TBX21: variants seen among roughly 807,000 people sequenced by gnomAD.
TBX21 encodes the protein T-box transcription factor TBX21.
Under a neutral mutation model 52.2 loss-of-function variants are expected in TBX21, and 11 were observed. That is an observed-to-expected ratio of 0.21 (90% CI 0.13 to 0.35). The LOEUF is 0.35. Among genes scored for constraint, TBX21 ranks in the 10% least tolerant of loss-of-function variants. The pLI is 1.00. For missense variants in TBX21, 625 were observed against 755.1 expected (o/e 0.83, Z 2.02); for synonymous variants, 300 against 316.1 (o/e 0.95, Z 0.54).
At chr17:47,744,639 G>A in intron 5 of TBX21, 96 bp downstream of exon 5, 2 of 1,604,872 alleles carry the variant, frequency 1.2e-6, no homozygotes, top group Non-Finnish European at 1.7e-6. Flanking sequence ...GATGCTACAG[G>A]TGGGCAGGCC....
At chr17:47,738,958 T>C (rs1412737855) in intron 1 of TBX21, among the ~76,000 whole-genome samples, 1 of 152,204 alleles carries the variant, frequency 6.6e-6, no homozygotes, top group East Asian at 1.9e-4. Context: ...TCTATCTCCT[T>C]GCTATTTTAA....
chr17:47,744,049 GA>G, intron 3 of TBX21, 145 bp from the exon 4 acceptor site: 1 of 1,031,558 alleles, frequency 9.7e-7, no homozygotes, highest in Non-Finnish European at 1.4e-6. Context: ...AAGCTTGGGG[GA>G]AGTTACATGG....
rs373492556 is a variant in TBX21 at position 47,744,856 on chromosome 17, C to T, written c.1098C>T (p.Pro366=). ...TCCTACCCAACCAGTATCCTGTTCC[C>T]AGCCGCTTCTACCCCGACCTTCCTG... ...SPLLPNQYPV[P]SRFYPDLPGQ... Residue 366 remains proline, a synonymous_variant, in exon 6 of 6, where the codon CCC becomes CCT. Coordinates refer to ENST00000177694, the MANE Select transcript of TBX21 (RefSeq NM_013351.2). 6.2e-7 allele frequency: 1 copy of T among 1,614,214 alleles called. No individual in the cohort carries two copies. The highest frequency in any genetic ancestry group is 8.5e-7 in the Non-Finnish European group (1 of 1,180,034).
chr17:47,738,199 C>A (rs897469087), intron 1 of TBX21, among the ~76,000 whole-genome samples: 1 of 152,072 alleles, frequency 6.6e-6, no homozygotes, highest in African/African-American at 2.4e-5. Flanking sequence ...GCTCTGTCAC[C>A]CACGCTGGAG....
intron 1 of TBX21, among the ~76,000 whole-genome samples, chr17:47,735,496 G>T (rs9889416): frequency 6.6e-6 from 1 of 152,152 alleles, no homozygotes. Context: ...AGAAGATCCT[G>T]TCCCTCTCAC....
chr17:47,737,724 C>T (rs2032221712), intron 1 of TBX21, among the ~76,000 whole-genome samples: 1 of 151,942 alleles, frequency 6.6e-6, no homozygotes, highest in South Asian at 2.1e-4. Flanking sequence ...CTCCCAGGTT[C>T]AAGTGATTCT....
Position 47,745,077 on chromosome 17 carries a change from C to A in TBX21, c.1319C>A (p.Pro440His), listed in dbSNP as rs746690078. The change falls in exon 6 of 6, where the codon CCC becomes CAC. Residue 440 changes from proline (P) to histidine (H), a missense_variant. Pro to His is a moderately conservative substitution (Grantham distance 77). Around this residue, in one of 4 missense-constraint regions of TBX21, gnomAD observed 261 missense variants for 275.1 expected, o/e 0.95. Transcript: ENST00000177694. ...TGGCCTGTGGCACCCCAGTACCCTCCCAAGATGGGCCCGGCCAGCTGGTTC... is the reference window on the plus strand; with the variant it reads ...TGGCCTGTGGCACCCCAGTACCCTCACAAGATGGGCCCGGCCAGCTGGTTC... ...AGWPVAPQYP[P>H]KMGPASWFRP... 3.1e-6 allele frequency: 5 copies of A among 1,613,542 alleles called. No individual in the cohort carries two copies. The highest frequency in any genetic ancestry group is 4.2e-6 in the Non-Finnish European group (5 of 1,180,026).
Position 47,742,498 on chromosome 17 carries a change from A to G in TBX21, c.492-112A>G. 2 of 1,299,846 alleles carry G rather than the reference A, an allele frequency of 1.5e-6. No individual in the cohort carries two copies. Among genetic ancestry groups the G allele is most frequent in the Non-Finnish European group, 1.0e-6 (1 of 969,936 alleles). The allele number at this position is 1,299,846 out of a possible 1,614,324, so 80.5% of individuals were successfully genotyped here. A position where few individuals can be genotyped will look rare whatever the true frequency, so the allele number is the denominator to read the frequency against. On this transcript the variant is annotated intron_variant, in intron 1 of 5. Coordinates refer to ENST00000177694, the MANE Select transcript of TBX21 (RefSeq NM_013351.2). This position sits in a 1 kb window ranked among gnomAD's most constrained non-coding sequence, Gnocchi z 4.4. ...AAACACCTTCCAGCTGGTTCTTGTG[A>G]GTGGGAGGAAGCCGGCTACAGCACA... is the stretch of plus-strand genomic sequence containing the variant.
intron 3 of TBX21, 113 bp downstream of exon 3, chr17:47,743,305 T>TA (rs2032288685): frequency 7.1e-7 from 1 of 1,408,594 alleles, no homozygotes; most frequent in African/African-American, 1.4e-5. Context: ...TCTTCCTTCC[T>TA]ACAGGAAGGA....
rs570619692 is a variant in TBX21, at chr17:47,737,428, G to C, written c.491+3483G>C. Reference sequence around the variant, plus strand: ...TTAAGCTCAATCTGCATTTGGATTTGTGCATGTGAAGACAGAGGTTGGTAA... The same window carrying C: ...TTAAGCTCAATCTGCATTTGGATTTCTGCATGTGAAGACAGAGGTTGGTAA... On this transcript the variant is annotated intron_variant, in intron 1 of 5. Transcript: ENST00000177694. Among the ~76,000 whole-genome samples, 12 of 152,218 alleles carry C rather than the reference G, an allele frequency of 7.9e-5. No individual in the cohort carries two copies. In the South Asian group the frequency reaches 2.1e-3, roughly 26 times the overall value.
In TBX21 at chr17:47,742,646, G is replaced by C; in HGVS notation, c.528G>C (p.Gly176=). 6.2e-7 allele frequency: 1 copy of C among 1,601,722 alleles called. No individual in the cohort carries two copies. The highest frequency in any genetic ancestry group is 1.1e-5 in the South Asian group (1 of 88,492). Residue 176 remains glycine (G), a synonymous_variant, in exon 2 of 6, where the codon GGG becomes GGC. Transcript: ENST00000177694. This position sits in a 1 kb window ranked among gnomAD's most constrained non-coding sequence, Gnocchi z 4.4. ...CATTCCTGTCATTTACTGTGGCCGG[G>C]CTGGAGCCCACCAGCCACTACAGGA... ...MFPFLSFTVA[G]LEPTSHYRMF... is the part of the protein sequence containing the mutation.
At position 47,745,955 on chromosome 17, in the gene TBX21, A is replaced by G. The variant is rs1432588872; in HGVS notation, c.*589A>G. ...GAAAGGGGGGAATGGCCCACATCTC[A>G]AGAAGCAAGATATTGTTTGTGGTGG... On this transcript the variant is annotated 3_prime_UTR_variant, in exon 6 of 6. Transcript: ENST00000177694. The G allele has an allele frequency of 6.6e-6, 1 of 152,346 alleles. No homozygotes were observed. The highest frequency in any genetic ancestry group is 1.5e-5 in the Non-Finnish European group (1 of 68,176). The allele number at this position is 152,346 out of a possible 1,614,324, so 9.4% of individuals were successfully genotyped here. A position where few individuals can be genotyped will look rare whatever the true frequency, so the allele number is the denominator to read the frequency against.
intron 5 of TBX21, 28 bp from the exon 6 acceptor site, chr17:47,744,720 C>A (rs566573174): frequency 6.2e-7 from 1 of 1,601,132 alleles, no homozygotes; most frequent in Non-Finnish European, 8.5e-7. Context: ...GCTTGTGACC[C>A]GTTTTCTTGC....
intron 1 of TBX21, among the ~76,000 whole-genome samples, chr17:47,736,464 A>T (rs1194682125): frequency 6.6e-6 from 1 of 152,206 alleles, no homozygotes; most frequent in Non-Finnish European, 1.5e-5. Flanking sequence ...TGATTGCTTC[A>T]TAAATGTGTG....
Position 47,733,637 on chromosome 17 carries a change from C to T in TBX21, c.183C>T (p.Gly61=). The stretch of plus-strand genomic sequence containing the variant: ...GCCTGGGGTCTCCCTACCCGGGGGG[C>T]GCCTTGGTGCCCGCCCCGCCGAGCC... The part of the protein sequence containing the change: ...GGSLGSPYPG[G]ALVPAPPSRF... The change falls in exon 1 of 6, where the codon GGC becomes GGT. Residue 61 remains glycine, a synonymous_variant. Coordinates refer to ENST00000177694, the MANE Select transcript of TBX21 (RefSeq NM_013351.2). The surrounding 1 kb of genome is among the most constrained non-coding windows in gnomAD (Gnocchi z 6.6). 6.9e-7 allele frequency: 1 copy of T among 1,447,684 alleles called. No individual in the cohort carries two copies. Among genetic ancestry groups the T allele is most frequent in the Non-Finnish European group, 9.0e-7 (1 of 1,105,278 alleles). 89.7% of individuals were successfully genotyped at this position (1,447,684 alleles called of 1,614,324 possible). A position where few individuals can be genotyped will look rare whatever the true frequency, so the allele number is the denominator to read the frequency against.
rs2032170038 is a variant in TBX21, at chr17:47,733,768, G to A, written c.314G>A (p.Gly105Asp). ...GCGGACGCCGAGGGCTACCAGCCGG[G>A]CGAGGGCTACGCCGCCCCGGACCCG... ...PPADAEGYQP[G>D]EGYAAPDPRA... Residue 105 changes from glycine to aspartate, a missense_variant, in exon 1 of 6, where the codon GGC (glycine) becomes GAC (aspartate). Gly to Asp is a moderately conservative substitution (Grantham distance 94, BLOSUM62 -1). Coordinates refer to ENST00000177694, the MANE Select transcript of TBX21 (RefSeq NM_013351.2). This position sits in a 1 kb window ranked among gnomAD's most constrained non-coding sequence, Gnocchi z 6.6. The A allele has an allele frequency of 6.6e-7, 1 of 1,508,684 alleles. No individual in the cohort carries two copies. The highest frequency in any genetic ancestry group is 1.4e-5 in the African/African-American group (1 of 69,186). The allele number at this position is 1,508,684 out of a possible 1,614,324, so 93.5% of individuals were successfully genotyped here.
At chr17:47,743,285 G>A in intron 3 of TBX21, 93 bp downstream of exon 3, 1 of 1,513,622 alleles carries the variant, frequency 6.6e-7, no homozygotes, top group Non-Finnish European at 8.9e-7. Context: ...GGCCAGTTTG[G>A]TTCATTTTTT....
chr17:47,733,545 C>T lies in TBX21; in HGVS notation c.91C>T (p.Pro31Ser), dbSNP rs2032165134. ...CGAGGGCCGGGCGCCTGGCGCCGACCCGCAGCACCGCTACTTCTACCCGGA... is the reference window on the plus strand; with the variant it reads ...CGAGGGCCGGGCGCCTGGCGCCGACTCGCAGCACCGCTACTTCTACCCGGA... ...SDEGRAPGAD[P>S]QHRYFYPEPG... The change falls in exon 1 of 6, where the codon CCG becomes TCG. Residue 31 changes from proline (P) to serine (S), a missense_variant. Physicochemically the swap from Pro to Ser is moderately conservative, Grantham distance 74. This residue lies in a region of TBX21 where 221 missense variants were observed against 204.9 expected (regional missense o/e 1.08). Coordinates refer to ENST00000177694, the MANE Select transcript of TBX21 (RefSeq NM_013351.2). The surrounding 1 kb of genome is among the most constrained non-coding windows in gnomAD (Gnocchi z 6.6). The T allele has an allele frequency of 6.7e-7, 1 of 1,490,224 alleles. No homozygotes were observed. Among genetic ancestry groups the T allele is most frequent in the Non-Finnish European group, 8.9e-7 (1 of 1,126,858 alleles). The allele number at this position is 1,490,224 out of a possible 1,614,324, so 92.3% of individuals were successfully genotyped here.
Position 47,742,009 on chromosome 17 carries a change from G to A in TBX21, c.492-601G>A, listed in dbSNP as rs538529874. Reference sequence around the variant, plus strand: ...AGCTGCGATAGACGGAAGTAACCTCGACAGTGCAGACAATAGTAAAACGTA... The same window carrying A: ...AGCTGCGATAGACGGAAGTAACCTCAACAGTGCAGACAATAGTAAAACGTA... On this transcript the variant is annotated intron_variant, in intron 1 of 5. Transcript: ENST00000177694. This position sits in a 1 kb window ranked among gnomAD's most constrained non-coding sequence, Gnocchi z 4.4. Among the ~76,000 whole-genome samples, 2 of 151,998 alleles carry A rather than the reference G, an allele frequency of 1.3e-5. No homozygotes were observed. The highest frequency in any genetic ancestry group is 2.1e-4 in the South Asian group (1 of 4,810).
Sources: allele counts gnomAD v4.1 joint callset (sites outside exome capture counted in the v4.1 genomes callset), GRCh38; gene constraint gnomAD v4.1.1; regional missense constraint gnomAD v4.1.1; non-coding constraint Gnocchi (gnomAD v3.1); transcripts MANE v1.5; gene names NCBI Gene and HGNC (gene_info 2026-07-23, HGNC 2026-07-21).